DCDC1: variants seen among roughly 807,000 people sequenced by gnomAD.
DCDC1 encodes doublecortin domain-containing protein 1.
A neutral mutation model predicts 178.3 loss-of-function variants in DCDC1; 200 were observed. The observed-to-expected ratio is 1.12, with a 90% CI of 1.00 to 1.26. The LOEUF (loss-of-function observed/expected upper bound fraction) is 1.26. Ranked by LOEUF, DCDC1 falls within the 50% of genes most tolerant of loss-of-function variation. DCDC1 has a pLI of 0.00. For missense variants in DCDC1, 1,983 were observed against 1,749.2 expected, an observed-to-expected ratio of 1.13 and a Z score of -2.38; for synonymous variants, 690 against 604.8, an observed-to-expected ratio of 1.14 and a Z score of -2.07.
intron 1 of DCDC1, among the ~76,000 whole-genome samples, chr11:31,362,250 G>T (rs550410548): frequency 1.3e-5 from 2 of 152,106 alleles, no homozygotes; most frequent in African/African-American, 4.8e-5. Flanking sequence ...AACTTCAGTT[G>T]TCCCAAATAT....
At chr11:30,965,486 C>A (rs1482640176) in intron 20 of DCDC1, among the ~76,000 whole-genome samples, 1 of 151,760 alleles carries the variant, frequency 6.6e-6, no homozygotes, top group Non-Finnish European at 1.5e-5. Flanking sequence ...CACACCATCC[C>A]AGTCTGGACT....
At chr11:31,032,573 A>G (rs1953723631) in intron 20 of DCDC1, among the ~76,000 whole-genome samples, 1 of 152,036 alleles carries the variant, frequency 6.6e-6, no homozygotes, top group Non-Finnish European at 1.5e-5. Context: ...AAAAAATTGT[A>G]GGGAAAAATA....
At position 31,077,933 on chromosome 11, in the gene DCDC1, G is replaced by A. The variant is rs531981490; in HGVS notation, c.2238-8C>T. 1.3e-5 allele frequency: 10 copies of A among 765,662 alleles called. No individual in the cohort carries two copies. The highest frequency in any genetic ancestry group is 5.4e-5 in the South Asian group (4 of 74,492). The allele number at this position is 765,662 out of a possible 1,614,324, so 47.4% of individuals were successfully genotyped here. A position where few individuals can be genotyped will look rare whatever the true frequency, so the allele number is the denominator to read the frequency against. Reference sequence around the variant, plus strand: ...GAGTCATCTCCACTATGTCTGTAACGAAAATGTAATTTAGAGATTGACATC... The same window carrying A: ...GAGTCATCTCCACTATGTCTGTAACAAAAATGTAATTTAGAGATTGACATC... On this transcript the variant is annotated splice_polypyrimidine_tract_variant and splice_region_variant and intron_variant, in intron 17 of 38. Transcript: ENST00000684477.
intron 20 of DCDC1, among the ~76,000 whole-genome samples, chr11:31,000,535 C>T (rs902304429): frequency 1.3e-5 from 2 of 152,234 alleles, no homozygotes; most frequent in Non-Finnish European, 2.9e-5. Context: ...CAGATACTCA[C>T]ATTCCACTTA....
At chr11:31,136,327 T>C (rs893471628) in intron 10 of DCDC1, among the ~76,000 whole-genome samples, 1 of 152,064 alleles carries the variant, frequency 6.6e-6, no homozygotes, top group Non-Finnish European at 1.5e-5. Context: ...GTGTAATTGC[T>C]ATTTATTACA....
At chr11:31,277,944 A>AT (rs1228974527) in intron 7 of DCDC1, among the ~76,000 whole-genome samples, 2 of 152,068 alleles carry the variant, frequency 1.3e-5, no homozygotes, top group South Asian at 2.1e-4. Flanking sequence ...TTTTGTTCAT[A>AT]TTTTTTGTGT....
chr11:31,053,078 G>A (rs531715237), intron 20 of DCDC1, among the ~76,000 whole-genome samples: 2 of 152,132 alleles, frequency 1.3e-5, no homozygotes, highest in South Asian at 2.1e-4. Context: ...AAAATTGATA[G>A]ACCATTAGTA....
Position 31,219,048 on chromosome 11 carries a change from C to T in DCDC1, c.1221+22402G>A, listed in dbSNP as rs548121483. On this transcript the variant is annotated intron_variant, in intron 9 of 38. Coordinates refer to ENST00000684477, the MANE Select transcript of DCDC1 (RefSeq NM_001387274.1). ...CAAGCTTTGACCTGGAAGAACGGAGCTCCGAAGGCTGGCCAGCCCATGCCT... is the reference window on the plus strand; with the variant it reads ...CAAGCTTTGACCTGGAAGAACGGAGTTCCGAAGGCTGGCCAGCCCATGCCT... Among the ~76,000 whole-genome samples, 5 of 152,168 alleles carry T rather than the reference C, an allele frequency of 3.3e-5. No homozygotes were observed. In the East Asian group the frequency reaches 9.7e-4, roughly 29 times the overall value.
intron 9 of DCDC1, among the ~76,000 whole-genome samples, chr11:31,198,111 T>G (rs1970892199): frequency 6.6e-6 from 1 of 152,076 alleles, no homozygotes; most frequent in Non-Finnish European, 1.5e-5. Context: ...TAGGTGTTAC[T>G]GAGAGGCATA....
intron 6 of DCDC1, among the ~76,000 whole-genome samples, chr11:31,305,184 A>G (rs759607620): frequency 3.3e-5 from 5 of 152,160 alleles, no homozygotes; most frequent in Non-Finnish European, 7.4e-5. Flanking sequence ...CCACATTTTC[A>G]TAATTATGTT....
chr11:31,274,847 C>A (rs1174729561), intron 7 of DCDC1, among the ~76,000 whole-genome samples: 2 of 151,948 alleles, frequency 1.3e-5, no homozygotes, highest in African/African-American at 2.4e-5. Context: ...ACTAAAGGCA[C>A]ATGCCACCAT....
chr11:30,942,731 A>G (rs1947742665), intron 21 of DCDC1, among the ~76,000 whole-genome samples: 1 of 152,232 alleles, frequency 6.6e-6, no homozygotes, highest in South Asian at 2.1e-4. Flanking sequence ...CTTTGGCACT[A>G]CTGAAGCACT....
At chr11:31,149,348 C>A (rs964162408) in intron 9 of DCDC1, among the ~76,000 whole-genome samples, 10 of 152,104 alleles carry the variant, frequency 6.6e-5, no homozygotes, top group African/African-American at 1.7e-4. Flanking sequence ...CTGTGTCTAG[C>A]TAAAGGCTTG....
chr11:31,275,815 A>G (rs1461523459), intron 7 of DCDC1, among the ~76,000 whole-genome samples: 1 of 152,116 alleles, frequency 6.6e-6, no homozygotes, highest in Non-Finnish European at 1.5e-5. Flanking sequence ...TAAATTACCT[A>G]TTGTAGTCTC....
chr11:31,088,988 C>T (rs1957639302), intron 17 of DCDC1, among the ~76,000 whole-genome samples: 1 of 152,164 alleles, frequency 6.6e-6, no homozygotes, highest in Admixed American at 6.6e-5. Flanking sequence ...GCATGAGCCA[C>T]CATGCCAGGC....
chr11:31,293,629 A>G (rs1249963530), intron 6 of DCDC1, among the ~76,000 whole-genome samples: 1 of 152,168 alleles, frequency 6.6e-6, no homozygotes, highest in Admixed American at 6.5e-5. Context: ...AACTCCTTAA[A>G]TTCCATGAAA....
chr11:31,310,038 C>A (rs1948677136), intron 3 of DCDC1, among the ~76,000 whole-genome samples: 1 of 152,142 alleles, frequency 6.6e-6, no homozygotes. Flanking sequence ...TTTGGGAATG[C>A]AAACTCTTCC....
intron 20 of DCDC1, among the ~76,000 whole-genome samples, chr11:31,054,287 G>A (rs1955447161): frequency 6.7e-6 from 1 of 149,920 alleles, no homozygotes; most frequent in Non-Finnish European, 1.5e-5. Flanking sequence ...AACCAAGGAG[G>A]CAAAAGACCT....
chr11:31,363,974 ATAGT>A (rs1951832119), intron 1 of DCDC1, among the ~76,000 whole-genome samples: 1 of 152,162 alleles, frequency 6.6e-6, no homozygotes, highest in Non-Finnish European at 1.5e-5. Context: ...CAGGCTAGTG[ATAGT>A]TAGTAAAATA....
Sources: allele counts gnomAD v4.1 joint callset (sites outside exome capture counted in the v4.1 genomes callset), GRCh38; gene constraint gnomAD v4.1.1; transcripts MANE v1.5; gene names NCBI Gene and HGNC (gene_info 2026-07-23, HGNC 2026-07-21).